The following ANKRD62 variants were observed in gnomAD, a reference collection of about 807,000 sequenced individuals.
ANKRD62 encodes ankyrin repeat domain-containing protein 62.
ANKRD62 carries 61 observed loss-of-function variants against 98.8 expected under a neutral mutation model. The observed-to-expected ratio is 0.62, with a 90% CI of 0.50 to 0.76. The LOEUF (loss-of-function observed/expected upper bound fraction) is 0.76. Ranked by LOEUF, ANKRD62 falls within the 30% of genes least tolerant of loss-of-function variation. The pLI is 0.00. For synonymous variants in ANKRD62, 341 were observed against 367.9 expected (o/e 0.93, Z 0.84); for missense variants, 933 against 1,082.9 (o/e 0.86, Z 1.94).
chr18:12,097,803 A>G (rs555420955), intron 5 of ANKRD62, 26 bp downstream of exon 5: 15 of 1,532,860 alleles, frequency 9.8e-6, no homozygotes, highest in South Asian at 2.4e-5. Flanking sequence ...GCTAGTGAAC[A>G]CTAAATTGAG....
intron 8 of ANKRD62, among the ~76,000 whole-genome samples, chr18:12,112,239 C>A (rs879299597): frequency 6.6e-6 from 1 of 151,818 alleles, no homozygotes; most frequent in Non-Finnish European, 1.5e-5. Context: ...CATAGGGAAC[C>A]AGAAAAGGGT....
chr18:12,171,428 T>A, the ANKRD62 span, among the ~76,000 whole-genome samples: 1 of 152,228 alleles, frequency 6.6e-6, no homozygotes, highest in Non-Finnish European at 1.5e-5. Context: ...AAATTCTGGG[T>A]TGAAAATTCT....
chr18:12,106,764 A>G (rs1909421033), intron 7 of ANKRD62, among the ~76,000 whole-genome samples: 1 of 152,146 alleles, frequency 6.6e-6, no homozygotes, highest in South Asian at 2.1e-4. Flanking sequence ...TTCAGCAAGC[A>G]CCTTCACATT....
chr18:12,115,252 C>T lies in ANKRD62; in HGVS notation c.1098+131C>T, dbSNP rs569599589. On this transcript the variant is annotated intron_variant, in intron 9 of 13. Transcript: ENST00000587848. ...CAGCGGTAACCATTCATAAAAGCAC[C>T]CTTTTAACCAAAGTCAGTTATTTTA... is the stretch of plus-strand genomic sequence containing the variant. 46 of 1,258,534 alleles carry T rather than the reference C, an allele frequency of 3.7e-5. No homozygotes were observed. In the East Asian group the frequency reaches 1.1e-3, roughly 29 times the overall value. The allele number at this position is 1,258,534 out of a possible 1,614,324, so 78.0% of individuals were successfully genotyped here.
chr18:12,163,033 T>G, the ANKRD62 span, among the ~76,000 whole-genome samples: 2 of 152,120 alleles, frequency 1.3e-5, no homozygotes, highest in Non-Finnish European at 2.9e-5. Flanking sequence ...TTAGAATTGT[T>G]TTTTCTTTTA....
At chr18:12,179,405 A>C in the ANKRD62 span, among the ~76,000 whole-genome samples, 19 of 132,770 alleles carry the variant, frequency 1.4e-4, 1 homozygote, top group African/African-American at 5.1e-4. Flanking sequence ...GATAATCAGG[A>C]GAACAAAAGG....
At chr18:12,097,382 C>G (rs573793195) in intron 4 of ANKRD62, among the ~76,000 whole-genome samples, 2 of 152,244 alleles carry the variant, frequency 1.3e-5, no homozygotes, top group African/African-American at 4.8e-5. Flanking sequence ...TTCTGCCCAT[C>G]AAAGGACTTT....
chr18:12,171,020 C>A, the ANKRD62 span, among the ~76,000 whole-genome samples: 1 of 147,338 alleles, frequency 6.8e-6, no homozygotes, highest in Non-Finnish European at 1.5e-5. Context: ...TTATTTTGAG[C>A]GTATGTGTGT....
the ANKRD62 span, among the ~76,000 whole-genome samples, chr18:12,165,230 C>T: frequency 6.6e-6 from 1 of 151,928 alleles, no homozygotes. Context: ...ATCCATTAGG[C>T]AACTCTGTGT....
chr18:12,107,606 G>A, intron 8 of ANKRD62, 139 bp downstream of exon 8: 3 of 617,826 alleles, frequency 4.9e-6, no homozygotes, highest in East Asian at 3.5e-5. Context: ...ATCATAAAAT[G>A]CAAATTAACA....
Position 12,097,570 on chromosome 18 carries a change from G to A in ANKRD62, c.615-70G>A, listed in dbSNP as rs562299470. 4.2e-6 allele frequency: 6 copies of A among 1,442,088 alleles called. No homozygotes were observed. The South Asian group carries it at 7.0e-5, about 17-fold the overall frequency. The allele number at this position is 1,442,088 out of a possible 1,614,324, so 89.3% of individuals were successfully genotyped here. On this transcript the variant is annotated intron_variant, in intron 4 of 13. Transcript: ENST00000587848. ...TGGACAGGCATATTAAATTGGTAAA[G>A]TTTATAAATTTAGCTTTTAACATAG...
At chr18:12,113,020 G>A (rs556187711) in intron 8 of ANKRD62, among the ~76,000 whole-genome samples, 148 of 152,142 alleles carry the variant, frequency 9.7e-4, no homozygotes, top group Admixed American at 2.0e-3. Context: ...TCAGCCTGCC[G>A]AGTAACTGGG....
intron 7 of ANKRD62, among the ~76,000 whole-genome samples, chr18:12,103,887 C>T (rs1909360726): frequency 6.6e-6 from 1 of 152,080 alleles, no homozygotes; most frequent in Admixed American, 6.5e-5. Context: ...TAGAACTTGA[C>T]TTAAGCCTAT....
chr18:12,125,539 TG>T lies in ANKRD62; in HGVS notation c.1720del (p.Glu574LysfsTer2). The T allele has an allele frequency of 6.6e-7, 1 of 1,514,874 alleles. No individual in the cohort carries two copies. Among genetic ancestry groups the T allele is most frequent in the Non-Finnish European group, 8.8e-7 (1 of 1,140,126 alleles). 93.8% of individuals were successfully genotyped at this position (1,514,874 alleles called of 1,614,324 possible). A position where few individuals can be genotyped will look rare whatever the true frequency, so the allele number is the denominator to read the frequency against. ...CGGGATGAAATTGCCAGACTCAGGC[TG>T]GAAATAGACACAATAAAACATCAGA... The part of the protein sequence containing the change: ...LMRDEIARLR[L>X]EIDTIKHQNQ... On this transcript the variant is annotated frameshift_variant, in exon 13 of 14. Transcript: ENST00000587848. LOFTEE classifies it high-confidence loss of function.
the ANKRD62 span, among the ~76,000 whole-genome samples, chr18:12,163,140 T>C: frequency 6.6e-6 from 1 of 152,120 alleles, no homozygotes; most frequent in Admixed American, 6.5e-5. Flanking sequence ...TCTCTTCCAA[T>C]TCAAGAACAT....
At chr18:12,126,981 A>C (rs1306904593) in intron 13 of ANKRD62, among the ~76,000 whole-genome samples, 1 of 152,360 alleles carries the variant, frequency 6.6e-6, no homozygotes, top group East Asian at 1.9e-4. Context: ...CATCTTTCTT[A>C]CATTATAATA....
chr18:12,171,398 A>G, the ANKRD62 span, among the ~76,000 whole-genome samples: 1 of 152,118 alleles, frequency 6.6e-6, no homozygotes, highest in Non-Finnish European at 1.5e-5. Context: ...CACTTATGAA[A>G]CTTAGTTTGG....
intron 7 of ANKRD62, among the ~76,000 whole-genome samples, chr18:12,103,769 G>C (rs754691282): frequency 2.0e-5 from 3 of 151,936 alleles, no homozygotes; most frequent in Non-Finnish European, 2.9e-5. Context: ...TGGCACTTTT[G>C]GTGTTTGGGT....
At chr18:12,116,165 C>G (rs1197835509) in intron 10 of ANKRD62, among the ~76,000 whole-genome samples, 1 of 152,156 alleles carries the variant, frequency 6.6e-6, no homozygotes, top group African/African-American at 2.4e-5. Context: ...GATACATACC[C>G]GTGTGAAAGT....
Sources: allele counts gnomAD v4.1 joint callset (sites outside exome capture counted in the v4.1 genomes callset), GRCh38; gene constraint gnomAD v4.1.1; transcripts MANE v1.5; gene names NCBI Gene and HGNC (gene_info 2026-07-23, HGNC 2026-07-21).